Variants in CLCA4 observed in about 807,000 individuals in gnomAD.
CLCA4 encodes calcium-activated chloride channel regulator 4.
CLCA4 carries 69 observed loss-of-function variants against 78.9 expected under a neutral mutation model. That is an observed-to-expected ratio of 0.87 (90% CI 0.72 to 1.07). The LOEUF is 1.07. CLCA4 is among the 50% of genes least tolerant of loss of function. The pLI, the probability that CLCA4 is intolerant of heterozygous loss-of-function variation, is 0.00. For synonymous variants in CLCA4, 362 were observed against 375.8 expected (o/e 0.96, Z 0.42); for missense variants, 1,133 against 1,095.8 (o/e 1.03, Z -0.48).
chr1:86,573,419 A>G (rs975335047), intron 9 of CLCA4, among the ~76,000 whole-genome samples: 1 of 151,966 alleles, frequency 6.6e-6, no homozygotes, highest in African/African-American at 2.4e-5. Context: ...ATATTTTACA[A>G]AAATATTTCT....
At chr1:86,547,399 G>A in intron 1 of CLCA4, 121 bp downstream of exon 1, 2 of 718,654 alleles carry the variant, frequency 2.8e-6, no homozygotes, top group Non-Finnish European at 4.2e-6. Flanking sequence ...TATACAATTT[G>A]TAAAGATCAA....
At chr1:86,565,227 T>C in intron 4 of CLCA4, 47 bp from the exon 5 acceptor site, 1 of 1,343,316 alleles carries the variant, frequency 7.4e-7, no homozygotes, top group South Asian at 1.4e-5. Context: ...TTTCTGTAAG[T>C]GCTAATGATT....
intron 1 of CLCA4, among the ~76,000 whole-genome samples, chr1:86,558,246 A>C (rs1489019058): frequency 6.6e-6 from 1 of 152,068 alleles, no homozygotes; most frequent in Non-Finnish European, 1.5e-5. Flanking sequence ...TTTGTTGGCT[A>C]GATATTATGT....
At chr1:86,573,747 T>A (rs552834243) in intron 9 of CLCA4, among the ~76,000 whole-genome samples, 1 of 152,150 alleles carries the variant, frequency 6.6e-6, no homozygotes, top group East Asian at 1.9e-4. Context: ...GCCATCATCG[T>A]TGACTGAGAA....
intron 1 of CLCA4, among the ~76,000 whole-genome samples, chr1:86,556,026 G>A (rs747905450): frequency 5.1e-4 from 77 of 152,112 alleles, no homozygotes; most frequent in Non-Finnish European, 1.0e-3. Context: ...TGTAGAGGAA[G>A]GCTAGTGATT....
At chr1:86,577,387 A>C (rs1650550962) in intron 11 of CLCA4, among the ~76,000 whole-genome samples, 1 of 152,072 alleles carries the variant, frequency 6.6e-6, no homozygotes, top group African/African-American at 2.4e-5. Context: ...GAATGCTGGG[A>C]CCTTTCCCTA....
At chr1:86,579,647 G>T in intron 13 of CLCA4, 60 bp downstream of exon 13, 1 of 1,153,640 alleles carries the variant, frequency 8.7e-7, no homozygotes, top group Non-Finnish European at 1.3e-6. Flanking sequence ...GCAAAAACAG[G>T]GGTGTAAGGG....
chr1:86,566,913 G>A (rs1375640684), intron 6 of CLCA4, among the ~76,000 whole-genome samples: 2 of 152,020 alleles, frequency 1.3e-5, no homozygotes, highest in Non-Finnish European at 2.9e-5. Flanking sequence ...AGGAGAAAGT[G>A]GGAAGATAGG....
Position 86,577,959 on chromosome 1 carries a change from A to G in CLCA4, c.2009A>G (p.Glu670Gly). Residue 670 changes from glutamate (E) to glycine (G), a missense_variant, in exon 12 of 14, where the codon GAA becomes GGA. Coordinates refer to ENST00000370563, the MANE Select transcript of CLCA4 (RefSeq NM_012128.4). ...TCCAGGTATTTTACAGCATATACAG[A>G]AAATGGCAGATATAGCTTAAAAGTT... ...VYSRYFTAYT[E>G]NGRYSLKVRA... is the part of the protein sequence containing the mutation. The G allele has an allele frequency of 6.2e-7, 1 of 1,612,930 alleles. No individual in the cohort carries two copies. Among genetic ancestry groups the G allele is most frequent in the Non-Finnish European group, 8.5e-7 (1 of 1,179,308 alleles).
intron 7 of CLCA4, among the ~76,000 whole-genome samples, chr1:86,569,862 G>A (rs1650296264): frequency 2.0e-5 from 3 of 151,806 alleles, no homozygotes; most frequent in Non-Finnish European, 2.9e-5. Context: ...TCCCCAGCAC[G>A]GTGACTGGCA....
At chr1:86,552,438 G>T (rs2101789876) in intron 1 of CLCA4, among the ~76,000 whole-genome samples, 1 of 152,350 alleles carries the variant, frequency 6.6e-6, no homozygotes, top group East Asian at 1.9e-4. Context: ...CCACAGCGGG[G>T]AAAGTGAGTG....
At position 86,547,276 on chromosome 1, in the gene CLCA4, G is replaced by C. The variant is rs749057786; in HGVS notation, c.157G>C (p.Glu53Gln). 1 of 1,583,320 alleles carries C rather than the reference G, an allele frequency of 6.3e-7. No homozygotes were observed. The highest frequency in any genetic ancestry group is 2.3e-5 in the East Asian group (1 of 44,158). The change falls in exon 1 of 14, where the codon GAG becomes CAG. Residue 53 changes from glutamate to glutamine, a missense_variant and splice_region_variant. Glu to Gln is a conservative substitution (Grantham distance 29). Coordinates refer to ENST00000370563, the MANE Select transcript of CLCA4 (RefSeq NM_012128.4). Reference protein sequence around the residue: ...PEDEKIIEQIEDMVTTASTYL... With the variant: ...PEDEKIIEQIQDMVTTASTYL... ...AGATGAAAAAATAATTGAACAAATA[G>C]AGGTAAGAACAAAATGGAATATCTT...
chr1:86,560,999 A>C (rs1360651999), intron 3 of CLCA4, among the ~76,000 whole-genome samples: 1 of 152,248 alleles, frequency 6.6e-6, no homozygotes, highest in African/African-American at 2.4e-5. Flanking sequence ...GGCTCTACAC[A>C]TGTATCACTA....
intron 1 of CLCA4, chr1:86,552,990 G>T: frequency 1.6e-6 from 1 of 622,668 alleles, no homozygotes; most frequent in Non-Finnish European, 2.9e-6. Flanking sequence ...CCTGTGCGTG[G>T]CCGTCTCCCA....
At chr1:86,561,005 C>T (rs1020986363) in intron 3 of CLCA4, among the ~76,000 whole-genome samples, 1 of 152,210 alleles carries the variant, frequency 6.6e-6, no homozygotes, top group Non-Finnish European at 1.5e-5. Context: ...ACACATGTAT[C>T]ACTATTAAAT....
At chr1:86,552,584 C>T (rs1339073891) in intron 1 of CLCA4, 1 of 599,920 alleles carries the variant, frequency 1.7e-6, no homozygotes, top group South Asian at 1.9e-5. Flanking sequence ...CGTGTCCACG[C>T]GTCAGACACA....
intron 5 of CLCA4, 66 bp from the exon 6 acceptor site, chr1:86,565,736 G>T: frequency 5.1e-6 from 5 of 985,418 alleles, no homozygotes; most frequent in South Asian, 2.2e-5. Flanking sequence ...AAATTTTTCA[G>T]GTTTGTAGTT....
intron 3 of CLCA4, among the ~76,000 whole-genome samples, chr1:86,562,079 A>G (rs1350079326): frequency 7.9e-5 from 12 of 152,150 alleles, no homozygotes; most frequent in African/African-American, 2.9e-4. Context: ...GTACACACAC[A>G]CACGACACAC....
intron 9 of CLCA4, chr1:86,573,024 A>C: frequency 3.1e-6 from 1 of 317,980 alleles, no homozygotes; most frequent in East Asian, 7.5e-5. Flanking sequence ...TTCCAAAATA[A>C]AGCACCCATT....
Sources: gnomAD v4.1 joint callset for allele counts (sites outside exome capture counted in the v4.1 genomes callset) on GRCh38, gnomAD v4.1.1 for gene constraint, MANE v1.5 for transcripts, NCBI Gene and HGNC (gene_info 2026-07-23, HGNC 2026-07-21) for gene names.